The following FAM13C variants were observed in gnomAD, a reference collection of about 807,000 sequenced individuals.
The protein encoded by FAM13C is protein FAM13C.
In FAM13C, 37 loss-of-function variants were observed where a neutral mutation model predicts 73.2. The ratio of observed to expected loss-of-function variants is 0.51; its 90% CI spans 0.39 to 0.67. The LOEUF (loss-of-function observed/expected upper bound fraction) is 0.67. FAM13C is among the 30% of genes least tolerant of loss of function. The pLI is 0.00. For synonymous variants in FAM13C, 246 were observed against 260.9 expected, an observed-to-expected ratio of 0.94 and a Z score of 0.55; for missense variants, 589 against 715.6, an observed-to-expected ratio of 0.82 and a Z score of 2.02.
chr10:59,309,783 C>A (rs1267938147), intron 4 of FAM13C, among the ~76,000 whole-genome samples: 1 of 152,216 alleles, frequency 6.6e-6, no homozygotes, highest in African/African-American at 2.4e-5. Context: ...AGGACCATAG[C>A]AGCCTTGCTT....
At chr10:59,316,228 T>C (rs1397036226) in intron 4 of FAM13C, among the ~76,000 whole-genome samples, 2 of 152,128 alleles carry the variant, frequency 1.3e-5, no homozygotes, top group Non-Finnish European at 2.9e-5. Flanking sequence ...AACTGTAATC[T>C]CAGTGTGCCT....
At chr10:59,258,513 T>C (rs142737476) in intron 10 of FAM13C, among the ~76,000 whole-genome samples, 61 of 152,258 alleles carry the variant, frequency 4.0e-4, no homozygotes, top group African/African-American at 1.4e-3. Flanking sequence ...GGAATGTATA[T>C]TGATAATTTC....
chr10:59,295,729 T>C (rs1240815936), intron 5 of FAM13C, among the ~76,000 whole-genome samples: 1 of 152,154 alleles, frequency 6.6e-6, no homozygotes, highest in Non-Finnish European at 1.5e-5. Context: ...AAAACTAATA[T>C]ACACTGGAAT....
chr10:59,310,643 T>C (rs1848813613), intron 4 of FAM13C, among the ~76,000 whole-genome samples: 2 of 152,008 alleles, frequency 1.3e-5, no homozygotes, highest in South Asian at 2.1e-4. Flanking sequence ...TCGAAGTCCA[T>C]GGATGTTCAG....
Position 59,304,834 on chromosome 10 carries a change from C to A in FAM13C, c.444-1970G>T, listed in dbSNP as rs58724918. On this transcript the variant is annotated intron_variant, in intron 4 of 13. Transcript: ENST00000618804. Reference sequence around the variant, plus strand: ...GGAAGGAAAGGGGAAGGGGAGGGGGCGGGGGAGGGGGAGGGGGAGGGGAAG... The same window carrying A: ...GGAAGGAAAGGGGAAGGGGAGGGGGAGGGGGAGGGGGAGGGGGAGGGGAAG... 3.7e-3 allele frequency among the ~76,000 whole-genome samples: 124 copies of A among 33,594 alleles called. 2 individuals are homozygous for A. Among genetic ancestry groups the A allele is most frequent in the Middle Eastern group, 0.019 (1 of 54 alleles). 22.0% of individuals were successfully genotyped at this position (33,594 alleles called of 152,430 possible). A position where few individuals can be genotyped will look rare whatever the true frequency, so the allele number is the denominator to read the frequency against.
chr10:59,276,294 T>C (rs1844317192), intron 6 of FAM13C, among the ~76,000 whole-genome samples: 1 of 152,168 alleles, frequency 6.6e-6, no homozygotes, highest in Non-Finnish European at 1.5e-5. Context: ...TTAGAAATTA[T>C]GATAGAATAC....
At position 59,254,411 on chromosome 10, in the gene FAM13C, C is replaced by T. The variant is rs772790700; in HGVS notation, c.1269G>A (p.Pro423=). ...TGATAATTCTGTATCGGTCATAAAG[C>T]GGCTTTATGAGGTTCTTGTCTTGCT... ...VTKQDKNLIK[P]LYDRYRIIKQ... The change falls in exon 11 of 14, where the codon CCG becomes CCA. Residue 423 remains proline (P), a synonymous_variant. Transcript: ENST00000618804. 109 of 1,556,060 alleles carry T rather than the reference C, an allele frequency of 7.0e-5. No individual in the cohort carries two copies. The highest frequency in any genetic ancestry group is 8.3e-5 in the Non-Finnish European group (96 of 1,150,214).
At chr10:59,277,828 A>C (rs930914434) in intron 6 of FAM13C, among the ~76,000 whole-genome samples, 2 of 152,234 alleles carry the variant, frequency 1.3e-5, no homozygotes, top group African/African-American at 4.8e-5. Context: ...ACTGATGAAG[A>C]GTTTAGGCTA....
Position 59,266,425 on chromosome 10 carries a change from G to A in FAM13C, c.942+2128C>T, listed in dbSNP as rs554308895. 3.3e-5 allele frequency among the ~76,000 whole-genome samples: 5 copies of A among 152,228 alleles called. No homozygotes were observed. In the East Asian group the frequency reaches 9.7e-4, roughly 29 times the overall value. On this transcript the variant is annotated intron_variant, in intron 8 of 13. Coordinates refer to ENST00000618804, the MANE Select transcript of FAM13C (RefSeq NM_198215.4). ...CAGATTCAAAAATTAGCAATGGGTG[G>A]TATGAATTCCACAGTCAGGCTGTCA...
At chr10:59,293,865 G>C (rs945094741) in intron 5 of FAM13C, among the ~76,000 whole-genome samples, 2 of 152,188 alleles carry the variant, frequency 1.3e-5, no homozygotes, top group African/African-American at 4.8e-5. Context: ...CCTGTTGAAA[G>C]AAAGAATTAC....
intron 6 of FAM13C, among the ~76,000 whole-genome samples, chr10:59,278,608 T>C (rs1259461486): frequency 6.6e-6 from 1 of 152,150 alleles, no homozygotes; most frequent in Admixed American, 6.6e-5. Flanking sequence ...GTCCACCCCC[T>C]CATTGTAACC....
In FAM13C at chr10:59,256,829, G is replaced by A. The variant is rs548754966; in HGVS notation, c.1237-2386C>T. Among the ~76,000 whole-genome samples, 8 of 152,268 alleles carry A rather than the reference G, an allele frequency of 5.3e-5. No homozygotes were observed. In the South Asian group the frequency reaches 1.7e-3, roughly 32 times the overall value. On this transcript the variant is annotated intron_variant, in intron 10 of 13. Coordinates refer to ENST00000618804, the MANE Select transcript of FAM13C (RefSeq NM_198215.4). ...GGGCAGAAATACATTAGACTTTCCT[G>A]TTATTCTTCAGCTACTGTCTGCTAA...
rs140072054 is a variant in FAM13C, at chr10:59,287,105, G to A, written c.508-3658C>T. On this transcript the variant is annotated intron_variant, in intron 5 of 13. Transcript: ENST00000618804. Reference sequence around the variant, plus strand: ...TAATCCCAGCACTTTGGGAGGCAGAGGTGGGAGGATCACTTGAGGTCAGGA... The same window carrying A: ...TAATCCCAGCACTTTGGGAGGCAGAAGTGGGAGGATCACTTGAGGTCAGGA... Among the ~76,000 whole-genome samples the A allele has an allele frequency of 4.0e-3, 597 of 150,370 alleles. 6 individuals are homozygous for A. The highest frequency in any genetic ancestry group is 0.014 in the African/African-American group (569 of 40,848).
intron 6 of FAM13C, among the ~76,000 whole-genome samples, chr10:59,275,687 A>G (rs1589423995): frequency 6.6e-6 from 1 of 152,226 alleles, no homozygotes; most frequent in African/African-American, 2.4e-5. Context: ...CTCTGGAGTC[A>G]GAGGCTTGGG....
rs1424153011 is a variant in FAM13C at position 59,264,171 on chromosome 10, C to G, written c.943-5G>C. 1.3e-6 allele frequency: 2 copies of G among 1,565,712 alleles called. No homozygotes were observed. Among genetic ancestry groups the G allele is most frequent in the African/African-American group, 3.0e-5 (2 of 66,434 alleles). On this transcript the variant is annotated splice_polypyrimidine_tract_variant and splice_region_variant and intron_variant, in intron 8 of 13. Coordinates refer to ENST00000618804, the MANE Select transcript of FAM13C (RefSeq NM_198215.4). ...AGTCTTGTCACCATGTGAAGGCTAC[C>G]AAGGGAAGGAAAAAATGGGGGTGGA...
chr10:59,274,832 C>A (rs569953383), intron 6 of FAM13C, among the ~76,000 whole-genome samples: 76 of 152,302 alleles, frequency 5.0e-4, no homozygotes, highest in Admixed American at 9.1e-4. Flanking sequence ...GCTCAGATAA[C>A]AACAAGGCTG....
chr10:59,250,514 C>G (rs1841269399), intron 13 of FAM13C, among the ~76,000 whole-genome samples: 1 of 152,152 alleles, frequency 6.6e-6, no homozygotes, highest in Non-Finnish European at 1.5e-5. Context: ...AGGTCCAGTC[C>G]TAAAGAATAT....
chr10:59,345,540 C>T (rs578181622), intron 3 of FAM13C, among the ~76,000 whole-genome samples: 1 of 152,266 alleles, frequency 6.6e-6, no homozygotes, highest in South Asian at 2.1e-4. Context: ...ATCCCAGGTT[C>T]CCTCCTAAAA....
intron 5 of FAM13C, among the ~76,000 whole-genome samples, chr10:59,283,875 A>C (rs1216254896): frequency 1.3e-5 from 2 of 152,136 alleles, no homozygotes; most frequent in African/African-American, 4.8e-5. Context: ...AGCAGAAGAC[A>C]TTAGGTCCCT....
Sources: gnomAD v4.1 joint callset for allele counts (sites outside exome capture counted in the v4.1 genomes callset) on GRCh38, gnomAD v4.1.1 for gene constraint, MANE v1.5 for transcripts, NCBI Gene and HGNC (gene_info 2026-07-23, HGNC 2026-07-21) for gene names.